RGS7: variants seen among roughly 807,000 people sequenced by gnomAD.
RGS7 encodes the protein regulator of G protein signaling 7, also known as regulator of G-protein signaling 7.
RGS7 carries 27 observed loss-of-function variants against 81.1 expected under a neutral mutation model. The observed-to-expected ratio is 0.33, with a 90% CI of 0.25 to 0.46. The LOEUF is 0.46. RGS7 is among the 20% of genes least tolerant of loss of function. RGS7 has a pLI of 1.00. For missense variants in RGS7, 396 were observed against 607.4 expected (o/e 0.65, Z 3.66); for synonymous variants, 208 against 207.7 (o/e 1.00, Z -0.01).
At chr1:241,221,017 G>GA (rs1558203666) in intron 2 of RGS7, among the ~76,000 whole-genome samples, 11 of 105,034 alleles carry the variant, frequency 1.0e-4, no homozygotes, top group East Asian at 1.0e-3. Flanking sequence ...AAGGAAGGAA[G>GA]GAAGGAAGGA....
At position 241,179,549 on chromosome 1, in the gene RGS7, G is replaced by A. The variant is rs938246694; in HGVS notation, c.79-80787C>T. 2.0e-5 allele frequency among the ~76,000 whole-genome samples: 3 copies of A among 152,262 alleles called. No individual in the cohort carries two copies. The East Asian group carries it at 5.8e-4, about 29-fold the overall frequency. ...CACTAAATCACAGTCTAGCTCCAAGGACCCCTTGTTATTCATAATATTTAC... is the reference window on the plus strand; with the variant it reads ...CACTAAATCACAGTCTAGCTCCAAGAACCCCTTGTTATTCATAATATTTAC... On this transcript the variant is annotated intron_variant, in intron 2 of 18. Coordinates refer to ENST00000440928, the MANE Select transcript of RGS7 (RefSeq NM_001364886.1).
At chr1:240,874,272 C>T (rs557064189) in intron 6 of RGS7, among the ~76,000 whole-genome samples, 1 of 152,238 alleles carries the variant, frequency 6.6e-6, no homozygotes, top group East Asian at 1.9e-4. Flanking sequence ...GAATGTTCAT[C>T]TCAAGTAATG....
intron 4 of RGS7, among the ~76,000 whole-genome samples, chr1:240,949,043 T>G (rs1679120225): frequency 1.3e-5 from 2 of 152,034 alleles, no homozygotes; most frequent in Non-Finnish European, 2.9e-5. Flanking sequence ...TAATACACAG[T>G]ATGAGTGAAA....
At chr1:241,080,405 C>A (rs1364855261) in intron 3 of RGS7, among the ~76,000 whole-genome samples, 1 of 151,906 alleles carries the variant, frequency 6.6e-6, no homozygotes, top group Non-Finnish European at 1.5e-5. Context: ...CTTTGGCTAT[C>A]TGATAAGAAA....
chr1:241,321,559 T>C (rs1458294620), intron 2 of RGS7, among the ~76,000 whole-genome samples: 1 of 152,110 alleles, frequency 6.6e-6, no homozygotes, highest in East Asian at 1.9e-4. Flanking sequence ...AGCTTCCACA[T>C]CTTCCAAACT....
At chr1:241,029,174 A>T (rs1278294394) in intron 3 of RGS7, among the ~76,000 whole-genome samples, 1 of 152,148 alleles carries the variant, frequency 6.6e-6, no homozygotes, top group Non-Finnish European at 1.5e-5. Context: ...TCACTCTATA[A>T]AGCAGAACAA....
In RGS7 at chr1:240,909,032, T is replaced by C. The variant is rs575606408; in HGVS notation, c.385+21685A>G. 9.6e-4 allele frequency among the ~76,000 whole-genome samples: 147 copies of C among 152,356 alleles called. 2 individuals are homozygous for C. The highest frequency in any genetic ancestry group is 3.5e-3 in the African/African-American group (147 of 41,590). ...TTTCCTAGAAAGTCTGCCTGTCACA[T>C]CATACGCAGCAGAATCACAAAGTTG... On this transcript the variant is annotated intron_variant, in intron 6 of 18. Coordinates refer to ENST00000440928, the MANE Select transcript of RGS7 (RefSeq NM_001364886.1).
intron 3 of RGS7, among the ~76,000 whole-genome samples, chr1:240,997,841 T>G (rs10926390): frequency 0.46 from 69,837 of 151,726 alleles, 16,326 homozygotes; most frequent in East Asian, 0.64. Context: ...AACAAAATTT[T>G]CAGAAAATCA....
At chr1:241,088,103 T>G (rs1344136789) in intron 3 of RGS7, among the ~76,000 whole-genome samples, 1 of 150,612 alleles carries the variant, frequency 6.6e-6, no homozygotes, top group East Asian at 1.9e-4. Flanking sequence ...GAAACTGGCT[T>G]AGACCTAAGG....
At chr1:240,963,286 A>G (rs1377457328) in intron 4 of RGS7, among the ~76,000 whole-genome samples, 1 of 152,208 alleles carries the variant, frequency 6.6e-6, no homozygotes, top group Non-Finnish European at 1.5e-5. Context: ...TCTATAGCAG[A>G]CAAGACAGTT....
chr1:241,354,757 G>A (rs751106816), intron 2 of RGS7, among the ~76,000 whole-genome samples: 16 of 151,954 alleles, frequency 1.1e-4, no homozygotes, highest in Non-Finnish European at 1.9e-4. Flanking sequence ...ACAATTTTGG[G>A]GTGTTTCAAA....
intron 2 of RGS7, among the ~76,000 whole-genome samples, chr1:241,237,651 C>T (rs141397249): frequency 9.6e-4 from 146 of 152,116 alleles, no homozygotes; most frequent in African/African-American, 3.4e-3. Flanking sequence ...ACTTTTAAAA[C>T]AATGTTGAGA....
At chr1:241,134,919 C>T (rs1258214676) in intron 2 of RGS7, among the ~76,000 whole-genome samples, 1 of 151,874 alleles carries the variant, frequency 6.6e-6, no homozygotes, top group African/African-American at 2.4e-5. Flanking sequence ...GACAGCCGGC[C>T]GGAAGACACC....
At chr1:241,016,069 T>C (rs2059202811) in intron 3 of RGS7, among the ~76,000 whole-genome samples, 1 of 152,210 alleles carries the variant, frequency 6.6e-6, no homozygotes, top group Admixed American at 6.5e-5. Context: ...CTAAAAATAA[T>C]TAACCTAGAA....
chr1:240,850,192 G>T (rs535310124), intron 9 of RGS7, among the ~76,000 whole-genome samples: 1 of 152,156 alleles, frequency 6.6e-6, no homozygotes, highest in African/African-American at 2.4e-5. Flanking sequence ...TTTTGTTTTT[G>T]TTTTGTTCTT....
chr1:241,232,532 A>T (rs1208249045), intron 2 of RGS7, among the ~76,000 whole-genome samples: 1 of 152,098 alleles, frequency 6.6e-6, no homozygotes, highest in African/African-American at 2.4e-5. Flanking sequence ...CCAAAACCAC[A>T]TTGCCTGATA....
intron 2 of RGS7, among the ~76,000 whole-genome samples, chr1:241,182,571 T>A (rs955518917): frequency 1.3e-5 from 2 of 152,092 alleles, no homozygotes; most frequent in South Asian, 2.1e-4. Context: ...TTTTGAAAAT[T>A]GAGTATTCAT....
downstream of RGS7, chr1:240,775,379 A>G (rs1682793155): frequency 6.6e-6 from 1 of 152,194 alleles, no homozygotes; most frequent in South Asian, 2.1e-4. Context: ...TGGCTTCCGT[A>G]CTATCCAAGC....
chr1:240,992,848 C>CAAA (rs757849427), intron 3 of RGS7, among the ~76,000 whole-genome samples: 3 of 111,642 alleles, frequency 2.7e-5, no homozygotes, highest in Middle Eastern at 5.0e-3. Flanking sequence ...ACTAAAAATA[C>CAAA]AAAAAAAAAA....
Sources: gnomAD v4.1 joint callset for allele counts (sites outside exome capture counted in the v4.1 genomes callset) on GRCh38, gnomAD v4.1.1 for gene constraint, MANE v1.5 for transcripts, NCBI Gene and HGNC (gene_info 2026-07-23, HGNC 2026-07-21) for gene names.